Variants in LRRC1 observed in about 807,000 individuals in gnomAD.
LRRC1 encodes leucine-rich repeat-containing protein 1.
In LRRC1, 28 loss-of-function variants were observed where a neutral mutation model predicts 69.9. The ratio of observed to expected loss-of-function variants is 0.40; its 90% confidence interval spans 0.30 to 0.55. The LOEUF (loss-of-function observed/expected upper bound fraction) is 0.55. Ranked by LOEUF, LRRC1 falls within the 20% of genes least tolerant of loss-of-function variation. The probability of loss-of-function intolerance (pLI) is 0.47; values close to 1 mark genes in which losing one functional copy is unlikely to be tolerated. For synonymous variants in LRRC1, 236 were observed against 240.2 expected (o/e 0.98, Z 0.16); for missense variants, 498 against 609.0 (o/e 0.82, Z 1.92).
intron 8 of LRRC1, 30 bp downstream of exon 8, chr6:53,899,921 C>T (rs1416099674): frequency 8.3e-6 from 13 of 1,573,414 alleles, no homozygotes; most frequent in Non-Finnish European, 1.1e-5. Context: ...AACTGCTAAA[C>T]ATACTGCCTG....
At chr6:53,803,313 G>C (rs556900806) in intron 1 of LRRC1, among the ~76,000 whole-genome samples, 1 of 152,348 alleles carries the variant, frequency 6.6e-6, no homozygotes, top group African/African-American at 2.4e-5. Context: ...GATCCAGTGA[G>C]TGCTGCAGGC....
chr6:53,876,626 C>CA (rs1337191781), intron 2 of LRRC1, among the ~76,000 whole-genome samples: 1 of 152,082 alleles, frequency 6.6e-6, no homozygotes, highest in Non-Finnish European at 1.5e-5. Context: ...AGACATTGGC[C>CA]AAAACAAAGG....
chr6:53,829,702 T>C (rs188820011), intron 1 of LRRC1, among the ~76,000 whole-genome samples: 5 of 152,232 alleles, frequency 3.3e-5, no homozygotes, highest in Admixed American at 2.6e-4. Context: ...GAGTAGGAAC[T>C]TGGGGAAGTG....
rs9349688 is a variant in LRRC1 at position 53,897,294 on chromosome 6, A to T, written c.577A>T (p.Ile193Phe). 3.1e-5 allele frequency: 50 copies of T among 1,609,396 alleles called. No individual in the cohort carries two copies. The African/African-American group carries it at 5.5e-4, about 18-fold the overall frequency. Residue 193 changes from isoleucine to phenylalanine, a missense_variant, in exon 7 of 14, where the codon ATT becomes TTT. Ile to Phe is a conservative substitution (Grantham distance 21). Transcript: ENST00000370888. Reference sequence around the variant, plus strand: ...TTTTCTTTTGTTTTAGCCAGAATCAATTGGAGCCCTCTTACATCTAAAAGA... The same window carrying T: ...TTTTCTTTTGTTTTAGCCAGAATCATTTGGAGCCCTCTTACATCTAAAAGA... ...NNEIYNLPES[I>F]GALLHLKDLW...
intron 1 of LRRC1, among the ~76,000 whole-genome samples, chr6:53,828,165 AG>A (rs1435840884): frequency 3.7e-5 from 3 of 81,510 alleles, no homozygotes; most frequent in Non-Finnish European, 7.3e-5. Context: ...CTTAGTTCAA[AG>A]GCCAAAAAAA....
At chr6:53,891,781 C>T (rs1021089540) in intron 4 of LRRC1, among the ~76,000 whole-genome samples, 4 of 151,936 alleles carry the variant, frequency 2.6e-5, no homozygotes, top group Admixed American at 1.3e-4. Flanking sequence ...GTCAGGAGAT[C>T]GAGACCAGCC....
intron 1 of LRRC1, among the ~76,000 whole-genome samples, chr6:53,815,461 TC>T (rs34642796): frequency 0.83 from 125,615 of 152,010 alleles, 52,135 homozygotes; most frequent in East Asian, 0.96. Context: ...TTCTCTTTTC[TC>T]CCTCCACTTT....
In LRRC1 at chr6:53,872,122, A is replaced by G. The variant is rs138981105; in HGVS notation, c.278-6871A>G. Among the ~76,000 whole-genome samples the G allele has an allele frequency of 6.2e-3, 944 of 152,150 alleles. 12 individuals are homozygous for G. The highest frequency in any genetic ancestry group is 0.021 in the African/African-American group (888 of 41,490). On this transcript the variant is annotated intron_variant, in intron 2 of 13. Transcript: ENST00000370888. ...TTTAACCCATTTTGAGTCAATTTTTATATATGGTGAGAGATAGGGATCTCG... is the reference window on the plus strand; with the variant it reads ...TTTAACCCATTTTGAGTCAATTTTTGTATATGGTGAGAGATAGGGATCTCG...
chr6:53,891,795 C>T (rs977006037), intron 4 of LRRC1, among the ~76,000 whole-genome samples: 3 of 151,924 alleles, frequency 2.0e-5, no homozygotes, highest in Non-Finnish European at 4.4e-5. Context: ...ACCAGCCAGG[C>T]CAACTGTCTG....
At chr6:53,848,761 T>TG (rs1766028533) in intron 2 of LRRC1, among the ~76,000 whole-genome samples, 1 of 117,814 alleles carries the variant, frequency 8.5e-6, no homozygotes, top group Non-Finnish European at 1.9e-5. Context: ...TTTCTTTTAC[T>TG]CTTTTTTTTT....
chr6:53,862,388 T>C (rs558404909), intron 2 of LRRC1, among the ~76,000 whole-genome samples: 1 of 152,124 alleles, frequency 6.6e-6, no homozygotes, highest in African/African-American at 2.4e-5. Flanking sequence ...TCCACATTTT[T>C]TTCTGCACAT....
chr6:53,834,321 CA>C (rs2127413540), intron 1 of LRRC1, among the ~76,000 whole-genome samples: 1 of 152,328 alleles, frequency 6.6e-6, no homozygotes, highest in Non-Finnish European at 1.5e-5. Context: ...TGTGCTCTCA[CA>C]TGTAGGTTTC....
chr6:53,849,965 A>T (rs1562042781), intron 2 of LRRC1, among the ~76,000 whole-genome samples: 1 of 152,198 alleles, frequency 6.6e-6, no homozygotes, highest in Non-Finnish European at 1.5e-5. Context: ...TAAAAAAAAG[A>T]AAAATGATTC....
intron 1 of LRRC1, among the ~76,000 whole-genome samples, chr6:53,833,892 T>A (rs1328437023): frequency 6.6e-6 from 1 of 152,250 alleles, no homozygotes; most frequent in Non-Finnish European, 1.5e-5. Flanking sequence ...TAAACTATTT[T>A]GTCAATCAGT....
chr6:53,892,666 A>G (rs1767742382), intron 4 of LRRC1, among the ~76,000 whole-genome samples: 1 of 152,256 alleles, frequency 6.6e-6, no homozygotes, highest in Non-Finnish European at 1.5e-5. Context: ...TTATTCATTC[A>G]TTCACTTTTG....
chr6:53,900,017 ACTGTTTTTTTTT>A, intron 8 of LRRC1, 126 bp downstream of exon 8: 1 of 379,106 alleles, frequency 2.6e-6, no homozygotes, highest in Non-Finnish European at 4.2e-6. Context: ...AAGTCTCCTT[ACTGTTTTTTTTT>A]TTTTTTTTTT....
chr6:53,834,745 A>C (rs1765560877), intron 1 of LRRC1, among the ~76,000 whole-genome samples: 1 of 152,176 alleles, frequency 6.6e-6, no homozygotes, highest in Middle Eastern at 3.2e-3. Context: ...AGGCCGAGGC[A>C]GGCGGATCAC....
At chr6:53,897,495 G>GA (rs71775183) in intron 7 of LRRC1, 136 bp downstream of exon 7, 2 of 609,928 alleles carry the variant, frequency 3.3e-6, no homozygotes, top group Non-Finnish European at 5.7e-6. Context: ...GGCACATTTG[G>GA]AAAAAACATA....
intron 1 of LRRC1, among the ~76,000 whole-genome samples, chr6:53,803,140 C>T (rs943098569): frequency 2.6e-5 from 4 of 152,204 alleles, no homozygotes; most frequent in South Asian, 2.1e-4. Context: ...TTCCTTAAAA[C>T]GGACCCTTTA....
Sources: gnomAD v4.1 joint callset for allele counts (sites outside exome capture counted in the v4.1 genomes callset) on GRCh38, gnomAD v4.1.1 for gene constraint, MANE v1.5 for transcripts, NCBI Gene and HGNC (gene_info 2026-07-23, HGNC 2026-07-21) for gene names.